The following EXOC4 variants were observed in gnomAD, a reference collection of about 807,000 sequenced individuals.
EXOC4 encodes the protein SEC8-like 1.
Under a neutral mutation model 107.2 loss-of-function variants are expected in EXOC4, and 71 were observed. The ratio of observed to expected loss-of-function variants is 0.66; its 90% CI spans 0.55 to 0.81. The LOEUF (loss-of-function observed/expected upper bound fraction) is 0.81, where lower values mean the gene tolerates loss of function less well. Among genes scored for constraint, EXOC4 ranks in the 30% least tolerant of loss-of-function variants. The pLI is 0.00. For synonymous variants in EXOC4, 456 were observed against 441.2 expected (o/e 1.03, Z -0.42); for missense variants, 1,108 against 1,189.6 (o/e 0.93, Z 1.01).
chr7:133,925,912 G>A (rs1206269299), intron 13 of EXOC4, among the ~76,000 whole-genome samples: 1 of 151,956 alleles, frequency 6.6e-6, no homozygotes, highest in Non-Finnish European at 1.5e-5. Context: ...GGTTATACGT[G>A]CCTGTAATCC....
chr7:133,554,873 A>G (rs1800662860), intron 9 of EXOC4, among the ~76,000 whole-genome samples: 1 of 152,142 alleles, frequency 6.6e-6, no homozygotes. Flanking sequence ...ACATGTAGTA[A>G]ATGTTTGTGG....
At chr7:133,696,831 T>C (rs1237102096) in intron 10 of EXOC4, among the ~76,000 whole-genome samples, 3 of 152,234 alleles carry the variant, frequency 2.0e-5, no homozygotes, top group Non-Finnish European at 2.9e-5. Flanking sequence ...GAGGGCAAAA[T>C]GTCTTATTTG....
intron 10 of EXOC4, among the ~76,000 whole-genome samples, chr7:133,780,303 T>TAAAAAA (rs35224246): frequency 6.9e-6 from 1 of 143,898 alleles, no homozygotes. Flanking sequence ...TTGAAGAATC[T>TAAAAAA]AAAAAAAAAA....
chr7:133,526,458 C>T (rs1231959959), intron 9 of EXOC4, among the ~76,000 whole-genome samples: 1 of 152,018 alleles, frequency 6.6e-6, no homozygotes, highest in Admixed American at 6.5e-5. Context: ...ACAATGAAAA[C>T]AAGAACAAAC....
At chr7:133,311,365 G>T (rs1280823590) in intron 4 of EXOC4, among the ~76,000 whole-genome samples, 1 of 152,078 alleles carries the variant, frequency 6.6e-6, no homozygotes, top group African/African-American at 2.4e-5. Flanking sequence ...AAAATCAGAT[G>T]GGTGAGACAA....
chr7:134,076,097 A>AT, the EXOC4 span, among the ~76,000 whole-genome samples: 31 of 152,208 alleles, frequency 2.0e-4, no homozygotes, highest in Non-Finnish European at 2.9e-5. Context: ...GAGGGATGAA[A>AT]TTTTGACTTT....
At chr7:133,265,404 TAA>T (rs753338512) in intron 1 of EXOC4, among the ~76,000 whole-genome samples, 1 of 144,080 alleles carries the variant, frequency 6.9e-6, no homozygotes. Flanking sequence ...AGACTCTGTC[TAA>T]AAAAAAAAAA....
chr7:133,265,981 C>G (rs943717555), intron 1 of EXOC4, among the ~76,000 whole-genome samples: 1 of 152,156 alleles, frequency 6.6e-6, no homozygotes, highest in Non-Finnish European at 1.5e-5. Flanking sequence ...ATTAACCAAC[C>G]AAAATGACAC....
At chr7:133,521,698 C>T (rs1044422899) in intron 9 of EXOC4, among the ~76,000 whole-genome samples, 3 of 152,016 alleles carry the variant, frequency 2.0e-5, no homozygotes, top group Non-Finnish European at 4.4e-5. Context: ...TGGCTCACTG[C>T]AACCTCTGCC....
At chr7:133,991,441 C>T (rs1794258978) in intron 14 of EXOC4, among the ~76,000 whole-genome samples, 1 of 152,012 alleles carries the variant, frequency 6.6e-6, no homozygotes, top group Non-Finnish European at 1.5e-5. Flanking sequence ...TTTGTAGAAG[C>T]TTTTTTGGCT....
chr7:133,512,083 T>G (rs986654497), intron 9 of EXOC4, among the ~76,000 whole-genome samples: 1 of 152,198 alleles, frequency 6.6e-6, no homozygotes, highest in South Asian at 2.1e-4. Context: ...TAAGCAAATA[T>G]CACACAAATA....
chr7:133,973,696 G>T (rs17167359), intron 14 of EXOC4, among the ~76,000 whole-genome samples: 1,828 of 152,324 alleles, frequency 0.012, 33 homozygotes, highest in African/African-American at 0.041. Context: ...AATTGGAAAA[G>T]AATAATTCTT....
chr7:133,305,614 A>G (rs565912040), intron 3 of EXOC4, among the ~76,000 whole-genome samples: 1 of 152,296 alleles, frequency 6.6e-6, no homozygotes, highest in African/African-American at 2.4e-5. Context: ...ACACGTGTCC[A>G]TTGACAGATG....
intron 14 of EXOC4, among the ~76,000 whole-genome samples, chr7:133,995,976 C>T (rs1794382631): frequency 6.6e-6 from 1 of 152,130 alleles, no homozygotes; most frequent in Admixed American, 6.6e-5. Context: ...TCCAGAGAGC[C>T]TCTTTCTTCC....
At chr7:133,973,016 C>G (rs933545595) in intron 14 of EXOC4, among the ~76,000 whole-genome samples, 1 of 152,150 alleles carries the variant, frequency 6.6e-6, no homozygotes, top group Non-Finnish European at 1.5e-5. Context: ...GAAATTAAAT[C>G]AGTGGTGCAC....
intron 14 of EXOC4, among the ~76,000 whole-genome samples, chr7:133,971,380 AG>A (rs1801229123): frequency 7.0e-6 from 1 of 142,132 alleles, no homozygotes; most frequent in Non-Finnish European, 1.5e-5. Context: ...AGAGAGAGAG[AG>A]AGAGAGAGAG....
chr7:133,416,271 A>G (rs1797473381), intron 7 of EXOC4, among the ~76,000 whole-genome samples: 2 of 152,180 alleles, frequency 1.3e-5, no homozygotes, highest in Non-Finnish European at 2.9e-5. Context: ...TTGTGCATCA[A>G]ATTTGGTGTA....
chr7:134,029,748 T>C (rs1795227263), intron 17 of EXOC4, among the ~76,000 whole-genome samples: 1 of 152,134 alleles, frequency 6.6e-6, no homozygotes, highest in Non-Finnish European at 1.5e-5. Context: ...CTTAAACTCC[T>C]ATTCTCAAGC....
intron 10 of EXOC4, chr7:133,727,816 G>C (rs1795247356): frequency 6.6e-6 from 1 of 152,164 alleles, no homozygotes; most frequent in Non-Finnish European, 1.5e-5. Flanking sequence ...GTTATAACAA[G>C]ATTACTCCCA....
Sources: allele counts gnomAD v4.1 joint callset (sites outside exome capture counted in the v4.1 genomes callset), GRCh38; gene constraint gnomAD v4.1.1; transcripts MANE v1.5; gene names NCBI Gene and HGNC (gene_info 2026-07-23, HGNC 2026-07-21).